Variants in NFYC observed in about 807,000 individuals in gnomAD.
NFYC encodes the protein CAAT box DNA-binding protein subunit C.
Under a neutral mutation model 53.1 loss-of-function variants are expected in NFYC, and 25 were observed. That is an observed-to-expected ratio of 0.47 (90% CI 0.34 to 0.66). NFYC has a LOEUF of 0.66. NFYC is among the 30% of genes least tolerant of loss of function. NFYC has a pLI of 0.01. For missense variants in NFYC, 260 were observed against 422.7 expected (o/e 0.62, Z 3.38); for synonymous variants, 145 against 152.6 (o/e 0.95, Z 0.37).
chr1:40,695,156 T>C (rs1029880328), intron 1 of NFYC, among the ~76,000 whole-genome samples: 16 of 152,252 alleles, frequency 1.1e-4, no homozygotes, highest in African/African-American at 3.8e-4. Context: ...GGAGAATTGC[T>C]GGAACCCGGG....
chr1:40,735,489 C>T (rs778558201), intron 1 of NFYC: 1 of 640,762 alleles, frequency 1.6e-6, no homozygotes. Context: ...AATTTAAAAG[C>T]AGACTGCACA....
At chr1:40,758,466 T>G (rs1646352340) in intron 6 of NFYC, 172 bp downstream of exon 6, 1 of 699,254 alleles carries the variant, frequency 1.4e-6, no homozygotes, top group East Asian at 2.8e-5. Flanking sequence ...GATGTTACCC[T>G]AATCTCTCTG....
intron 1 of NFYC, among the ~76,000 whole-genome samples, chr1:40,707,607 C>A (rs1162960302): frequency 6.6e-6 from 1 of 150,678 alleles, no homozygotes; most frequent in East Asian, 1.9e-4. Context: ...AGTTCGAGAC[C>A]AGCCTGGGCA....
At chr1:40,766,814 A>C (rs1270452496) in intron 8 of NFYC, 111 bp downstream of exon 8, 1 of 1,487,850 alleles carries the variant, frequency 6.7e-7, no homozygotes, top group Non-Finnish European at 9.2e-7. Flanking sequence ...CTTCAACCAG[A>C]AGCACCACCC....
chr1:40,763,215 T>C (rs983347704), intron 7 of NFYC, 169 bp downstream of exon 7: 1 of 495,302 alleles, frequency 2.0e-6, no homozygotes, highest in Non-Finnish European at 3.6e-6. Flanking sequence ...TACCTTGATA[T>C]ATATATGTAT....
At chr1:40,694,518 A>G (rs964820197) in intron 1 of NFYC, among the ~76,000 whole-genome samples, 1 of 152,378 alleles carries the variant, frequency 6.6e-6, no homozygotes. Flanking sequence ...TGTATTTTGT[A>G]CATTGGTCAT....
chr1:40,715,283 A>G (rs539846973), intron 1 of NFYC, among the ~76,000 whole-genome samples: 1 of 151,574 alleles, frequency 6.6e-6, no homozygotes, highest in African/African-American at 2.4e-5. Flanking sequence ...CCAGCTATAC[A>G]GGAGGCTGAG....
intron 1 of NFYC, among the ~76,000 whole-genome samples, chr1:40,716,147 T>C (rs1013457469): frequency 2.6e-5 from 4 of 152,240 alleles, no homozygotes; most frequent in Admixed American, 1.3e-4. Context: ...ATGCATGTCT[T>C]TTTTGTGGAG....
At chr1:40,725,285 G>A (rs147773276) in intron 1 of NFYC, among the ~76,000 whole-genome samples, 4 of 152,292 alleles carry the variant, frequency 2.6e-5, no homozygotes, top group African/African-American at 7.2e-5. Context: ...GTAGTGAAGT[G>A]TAGGACTTCC....
intron 8 of NFYC, chr1:40,767,132 C>G (rs1260295389): frequency 2.9e-6 from 2 of 691,270 alleles, no homozygotes; most frequent in Non-Finnish European, 5.0e-6. Context: ...GCATCCCTAA[C>G]CAGAAAAATT....
intron 1 of NFYC, among the ~76,000 whole-genome samples, chr1:40,737,400 C>G (rs1233593619): frequency 1.3e-5 from 2 of 150,098 alleles, no homozygotes; most frequent in Non-Finnish European, 3.0e-5. Flanking sequence ...GTGATCTTGG[C>G]TCACTGCAAC....
chr1:40,715,382 C>T (rs1324699711), intron 1 of NFYC, among the ~76,000 whole-genome samples: 1 of 147,450 alleles, frequency 6.8e-6, no homozygotes, highest in South Asian at 2.1e-4. Context: ...GATTCCGTCT[C>T]AAGAAAAAAA....
At chr1:40,721,174 C>T (rs1644313585) in intron 1 of NFYC, among the ~76,000 whole-genome samples, 1 of 152,192 alleles carries the variant, frequency 6.6e-6, no homozygotes, top group Non-Finnish European at 1.5e-5. Flanking sequence ...AATTTATCAT[C>T]ACTGATTAGT....
At chr1:40,750,908 T>G (rs10789206) in intron 4 of NFYC, among the ~76,000 whole-genome samples, 43,143 of 152,096 alleles carry the variant, frequency 0.28, 7,541 homozygotes, top group East Asian at 0.41. Context: ...CCACAGTTGG[T>G]GAGGAAGTGG....
At position 40,697,123 on chromosome 1, in the gene NFYC, C is replaced by T. The variant is rs1051543350; in HGVS notation, c.-9+5256C>T. Among the ~76,000 whole-genome samples the T allele has an allele frequency of 5.9e-5, 9 of 152,280 alleles. 1 individual carries two copies. In the South Asian group the frequency reaches 1.9e-3, roughly 32 times the overall value. ...ACTTGTTTCTTCTTCTGTAAAATAA[C>T]GACAATAATACCTACCTGTAGGGTA... On this transcript the variant is annotated intron_variant, in intron 1 of 9. Coordinates refer to ENST00000447388, the MANE Select transcript of NFYC (RefSeq NM_014223.5).
chr1:40,743,152 G>T (rs1645440112), intron 2 of NFYC, among the ~76,000 whole-genome samples: 1 of 152,210 alleles, frequency 6.6e-6, no homozygotes, highest in Non-Finnish European at 1.5e-5. Context: ...TTCATGATGT[G>T]TTGGAAACAC....
At chr1:40,708,031 G>T (rs1438400768) in intron 1 of NFYC, among the ~76,000 whole-genome samples, 2 of 152,080 alleles carry the variant, frequency 1.3e-5, no homozygotes, top group Non-Finnish European at 2.9e-5. Context: ...TTTAAAAATT[G>T]TGTCTGTACG....
chr1:40,740,913 T>C (rs1442778453), intron 2 of NFYC, among the ~76,000 whole-genome samples: 1 of 151,884 alleles, frequency 6.6e-6, no homozygotes, highest in East Asian at 1.9e-4. Context: ...TTCTGTTTTG[T>C]TGGACTTTGA....
intron 3 of NFYC, among the ~76,000 whole-genome samples, chr1:40,747,960 C>G (rs533611161): frequency 6.6e-6 from 1 of 151,750 alleles, no homozygotes; most frequent in Non-Finnish European, 1.5e-5. Context: ...CTCAGACTCC[C>G]GAGTAGCTAG....
Sources: gnomAD v4.1 joint callset for allele counts (sites outside exome capture counted in the v4.1 genomes callset) on GRCh38, gnomAD v4.1.1 for gene constraint, MANE v1.5 for transcripts, NCBI Gene and HGNC (gene_info 2026-07-23, HGNC 2026-07-21) for gene names.